The following TNR variants were observed in gnomAD, a reference collection of about 807,000 sequenced individuals.
TNR encodes tenascin R.
Under a neutral mutation model 150.4 loss-of-function variants are expected in TNR, and 45 were observed. The observed-to-expected ratio is 0.30, with a 90% CI of 0.24 to 0.38. The LOEUF (loss-of-function observed/expected upper bound fraction) is 0.38, where lower values mean the gene tolerates loss of function less well. Among genes scored for constraint, TNR ranks in the 10% least tolerant of loss-of-function variants. The pLI is 1.00. For synonymous variants in TNR, 687 were observed against 678.4 expected (o/e 1.01, Z -0.20); for missense variants, 1,544 against 1,759.1 (o/e 0.88, Z 2.19).
intron 1 of TNR, among the ~76,000 whole-genome samples, chr1:175,726,078 G>T (rs1276779596): frequency 2.0e-5 from 3 of 152,062 alleles, no homozygotes; most frequent in Non-Finnish European, 4.4e-5. Context: ...CAAATAAATG[G>T]GGCAGAAAAT....
chr1:175,716,161 G>T (rs1000642844), intron 1 of TNR, among the ~76,000 whole-genome samples: 1 of 152,062 alleles, frequency 6.6e-6, no homozygotes, highest in African/African-American at 2.4e-5. Context: ...GAGCCCTCTG[G>T]TCTTCTCTTT....
chr1:175,731,196 C>T (rs576992276), intron 1 of TNR, among the ~76,000 whole-genome samples: 3 of 152,224 alleles, frequency 2.0e-5, no homozygotes, highest in East Asian at 1.9e-4. Flanking sequence ...TCTTGACCTT[C>T]GTGATTTCAA....
chr1:175,464,824 T>G (rs1219587492), intron 2 of TNR, among the ~76,000 whole-genome samples: 1 of 152,206 alleles, frequency 6.6e-6, no homozygotes, highest in Non-Finnish European at 1.5e-5. Flanking sequence ...ATTTATTTAT[T>G]TCCTGGTCTA....
intron 1 of TNR, among the ~76,000 whole-genome samples, chr1:175,557,388 A>C (rs1392986510): frequency 6.6e-6 from 1 of 152,216 alleles, no homozygotes; most frequent in African/African-American, 2.4e-5. Flanking sequence ...TACTTGAAGC[A>C]CTCAACAATA....
chr1:175,401,993 A>C (rs1178390243), intron 4 of TNR, among the ~76,000 whole-genome samples: 1 of 152,224 alleles, frequency 6.6e-6, no homozygotes. Flanking sequence ...TGAAATAATA[A>C]ACATAATCTG....
chr1:175,527,347 A>C (rs1214333496), intron 2 of TNR, among the ~76,000 whole-genome samples: 1 of 152,214 alleles, frequency 6.6e-6, no homozygotes, highest in Non-Finnish European at 1.5e-5. Flanking sequence ...GCAGGCTGCC[A>C]CTGAGGGTGT....
At chr1:175,719,528 T>C (rs1383122897) in intron 1 of TNR, among the ~76,000 whole-genome samples, 1 of 152,214 alleles carries the variant, frequency 6.6e-6, no homozygotes, top group Non-Finnish European at 1.5e-5. Context: ...GTAACCAGTA[T>C]GAGGATGCAG....
At chr1:175,328,412 G>A (rs892621413) in intron 21 of TNR, among the ~76,000 whole-genome samples, 1 of 152,280 alleles carries the variant, frequency 6.6e-6, no homozygotes, top group African/African-American at 2.4e-5. Context: ...CCCTGGAGAT[G>A]GGTTGATTCA....
intron 1 of TNR, among the ~76,000 whole-genome samples, chr1:175,731,001 C>T (rs1641038833): frequency 6.6e-6 from 1 of 152,242 alleles, no homozygotes; most frequent in Non-Finnish European, 1.5e-5. Context: ...GAAGCTTGGC[C>T]TCTATAGCAT....
At chr1:175,575,629 G>T (rs1662074426) in intron 1 of TNR, among the ~76,000 whole-genome samples, 1 of 152,196 alleles carries the variant, frequency 6.6e-6, no homozygotes, top group Non-Finnish European at 1.5e-5. Flanking sequence ...GCCTCAGATT[G>T]GGTAGTGAGG....
intron 2 of TNR, among the ~76,000 whole-genome samples, chr1:175,411,212 T>C (rs1193228776): frequency 6.6e-6 from 1 of 152,118 alleles, no homozygotes; most frequent in African/African-American, 2.4e-5. Context: ...TCATGGTAAG[T>C]AGTGACTTCC....
chr1:175,508,535 G>A (rs1184498706), intron 2 of TNR, among the ~76,000 whole-genome samples: 2 of 152,212 alleles, frequency 1.3e-5, no homozygotes, highest in East Asian at 3.8e-4. Context: ...AAAGGCTGTG[G>A]CTTCTGTCCT....
intron 1 of TNR, among the ~76,000 whole-genome samples, chr1:175,533,336 G>A (rs1660147338): frequency 6.6e-6 from 1 of 152,194 alleles, no homozygotes; most frequent in African/African-American, 2.4e-5. Flanking sequence ...GCAGAAGGAA[G>A]GAACTCGAAA....
At chr1:175,627,659 T>C (rs1664195229) in intron 1 of TNR, among the ~76,000 whole-genome samples, 1 of 152,120 alleles carries the variant, frequency 6.6e-6, no homozygotes, top group Non-Finnish European at 1.5e-5. Flanking sequence ...AAATTATAGC[T>C]CTAATTGTAA....
chr1:175,363,872 G>T, intron 12 of TNR, 45 bp from the exon 13 acceptor site: 1 of 1,572,846 alleles, frequency 6.4e-7, no homozygotes, highest in African/African-American at 1.4e-5. Flanking sequence ...AAAGCACAGT[G>T]TGAAAAAGAA....
intron 2 of TNR, among the ~76,000 whole-genome samples, chr1:175,441,210 T>C (rs1655774798): frequency 6.6e-6 from 1 of 152,190 alleles, no homozygotes; most frequent in Non-Finnish European, 1.5e-5. Context: ...GTCTGCCAAA[T>C]GACTTGACAT....
intron 18 of TNR, among the ~76,000 whole-genome samples, chr1:175,349,634 G>A (rs1291742770): frequency 6.6e-6 from 1 of 152,220 alleles, no homozygotes; most frequent in Non-Finnish European, 1.5e-5. Context: ...GAAGGTGGAA[G>A]AAGAGAAGAG....
chr1:175,698,483 A>G (rs1666595022), intron 1 of TNR, among the ~76,000 whole-genome samples: 2 of 152,128 alleles, frequency 1.3e-5, no homozygotes, highest in African/African-American at 4.8e-5. Flanking sequence ...GGGCAGGGGC[A>G]GGGTGGTCAA....
intron 1 of TNR, among the ~76,000 whole-genome samples, chr1:175,620,390 G>C (rs911207983): frequency 6.6e-6 from 1 of 152,198 alleles, no homozygotes; most frequent in African/African-American, 2.4e-5. Context: ...ATAACAACCA[G>C]GCTGGAGTAT....
Sources: gnomAD v4.1 joint callset for allele counts (sites outside exome capture counted in the v4.1 genomes callset) on GRCh38, gnomAD v4.1.1 for gene constraint, MANE v1.5 for transcripts, NCBI Gene and HGNC (gene_info 2026-07-23, HGNC 2026-07-21) for gene names.